The following SLC4A2 variants were observed in gnomAD, a reference collection of about 807,000 sequenced individuals.
SLC4A2 encodes the protein anion exchange protein 2.
SLC4A2 carries 36 observed loss-of-function variants against 115.0 expected under a neutral mutation model. That is an observed-to-expected ratio of 0.31 (90% CI 0.24 to 0.41). SLC4A2 has a LOEUF of 0.41. Among genes scored for constraint, SLC4A2 ranks in the 10% least tolerant of loss-of-function variants. SLC4A2 has a pLI of 1.00. For synonymous variants in SLC4A2, 708 were observed against 708.3 expected (o/e 1.00, Z 0.01); for missense variants, 1,252 against 1,705.6 (o/e 0.73, Z 4.68).
chr7:151,060,854 C>T lies in SLC4A2; in HGVS notation c.-63-1071C>T, dbSNP rs191856203. On this transcript the variant is annotated intron_variant, in intron 1 of 22. Transcript: ENST00000413384. This position sits in a 1 kb window ranked among gnomAD's most constrained non-coding sequence, Gnocchi z 5.9. ...ACCCCCCCAGACCTATATTGTTTGACGCTACACTGACTTGTCTTACTCCTA... is the reference window on the plus strand; with the variant it reads ...ACCCCCCCAGACCTATATTGTTTGATGCTACACTGACTTGTCTTACTCCTA... Among the ~76,000 whole-genome samples the T allele has an allele frequency of 7.9e-5, 12 of 152,286 alleles. No homozygotes were observed. The highest frequency in any genetic ancestry group is 4.6e-4 in the Admixed American group (7 of 15,308).
intron 2 of SLC4A2, chr7:151,063,062 G>C (rs1226637427): frequency 6.6e-7 from 1 of 1,505,978 alleles, no homozygotes; most frequent in African/African-American, 1.4e-5. Context: ...ACCGTGGGTG[G>C]GTGGGGGGCT....
intron 2 of SLC4A2, chr7:151,062,777 A>G: frequency 7.3e-7 from 1 of 1,361,366 alleles, no homozygotes; most frequent in Non-Finnish European, 9.4e-7. Flanking sequence ...CGCTTAGGGG[A>G]GCCAGGAGAT....
Position 151,064,720 on chromosome 7 carries a change from C to T in SLC4A2, c.412C>T (p.Arg138Trp), listed in dbSNP as rs373812974. 5.6e-5 allele frequency: 91 copies of T among 1,612,244 alleles called. No individual in the cohort carries two copies. The highest frequency in any genetic ancestry group is 3.4e-4 in the South Asian group (31 of 90,998). Residue 138 changes from arginine (R) to tryptophan (W), a missense_variant, in exon 4 of 23, where the codon CGG (arginine) becomes TGG (tryptophan). Around this residue, in one of 14 missense-constraint regions of SLC4A2, gnomAD observed 215 missense variants for 205.2 expected, o/e 1.05. Coordinates refer to ENST00000413384, the MANE Select transcript of SLC4A2 (RefSeq NM_003040.4). ...TGAGGCCAGCGAGGCTGAGGGGGCC[C>T]GGGCTCTCACTCAGCCGTCCCCTGT... Reference protein sequence around the residue: ...EDEASEAEGARALTQPSPVST... With the variant: ...EDEASEAEGAWALTQPSPVST...
chr7:151,074,287 T>C lies in SLC4A2; in HGVS notation c.2784T>C (p.Pro928=), dbSNP rs933917891. ...LRKFKNSRFF[P]GRIRRVIGDF... is the part of the protein sequence containing the mutation. ...AATTCAAGAACAGCCGGTTCTTTCC[T>C]GGCCGGGTGCGTGGGCTTAAAGGCC... Residue 928 remains proline, a synonymous_variant, in exon 17 of 23, where the codon CCT becomes CCC. Transcript: ENST00000413384. 1.2e-6 allele frequency: 2 copies of C among 1,609,470 alleles called. No homozygotes were observed. The highest frequency in any genetic ancestry group is 1.7e-6 in the Non-Finnish European group (2 of 1,178,982).
In SLC4A2 at chr7:151,073,521, G is replaced by A. The variant is rs550562794; in HGVS notation, c.2536-518G>A. On this transcript the variant is annotated intron_variant, in intron 16 of 22. Transcript: ENST00000413384. ...TGACCTCAAGTGATCTGCCCGCCTC[G>A]GCCTCCCAAAGTGCTAGGATTACAG... is the stretch of plus-strand genomic sequence containing the variant. Among the ~76,000 whole-genome samples the A allele has an allele frequency of 3.3e-5, 5 of 151,768 alleles. No homozygotes were observed. In the East Asian group the frequency reaches 7.8e-4, roughly 24 times the overall value.
intron 2 of SLC4A2, chr7:151,062,550 A>G (rs1335462582): frequency 2.3e-5 from 33 of 1,410,992 alleles, no homozygotes; most frequent in Non-Finnish European, 2.9e-5. Flanking sequence ...CAGCTCCGCT[A>G]TTGGTCACAC....
intron 5 of SLC4A2, among the ~76,000 whole-genome samples, chr7:151,065,586 C>T (rs931754592): frequency 3.3e-5 from 5 of 152,216 alleles, no homozygotes; most frequent in South Asian, 2.1e-4. Context: ...ACTACTATCA[C>T]GGACCTGTTG....
In SLC4A2 at chr7:151,071,314, C is replaced by G. The variant is rs1563357295; in HGVS notation, c.1975+17C>G. On this transcript the variant is annotated intron_variant, in intron 13 of 22. Coordinates refer to ENST00000413384, the MANE Select transcript of SLC4A2 (RefSeq NM_003040.4). This position sits in a 1 kb window ranked among gnomAD's most constrained non-coding sequence, Gnocchi z 5.5. ...AAGATAAGGGTACGGCCAGGGCGGG[C>G]TGGGGCCAGGGCTGCCTCGAGGGGG... The G allele has an allele frequency of 6.5e-7, 1 of 1,545,726 alleles. No individual in the cohort carries two copies. The highest frequency in any genetic ancestry group is 1.9e-5 in the Admixed American group (1 of 51,536).
rs765367393 is a variant in SLC4A2 at position 151,067,964 on chromosome 7, G to A, written c.1057G>A (p.Val353Met). 8.1e-6 allele frequency: 13 copies of A among 1,610,424 alleles called. No individual in the cohort carries two copies. In the Admixed American group the frequency reaches 1.7e-4, roughly 21 times the overall value. The change falls in exon 8 of 23, where the codon GTG becomes ATG. Residue 353 changes from valine (V) to methionine (M), a missense_variant. Val to Met is a conservative substitution (Grantham distance 21). Transcript: ENST00000413384. ...TARWIKFEED[V>M]EEETERWGKP... is the part of the protein sequence containing the mutation. ...TCGCTGGATCAAATTTGAAGAGGAC[G>A]TGGAGGAGGAGACTGAGCGCTGGGG...
rs1797154068 is a variant in SLC4A2, at chr7:151,064,340, C to T, written c.190C>T (p.Arg64Cys). 1.3e-6 allele frequency: 2 copies of T among 1,593,106 alleles called. No individual in the cohort carries two copies. The highest frequency in any genetic ancestry group is 1.4e-5 in the African/African-American group (1 of 70,942). Residue 64 changes from arginine (R) to cysteine (C), a missense_variant, in exon 3 of 23, where the codon CGC becomes TGC. Transcript: ENST00000413384. ...AGSRGGEEPGRSYGEEDFEYH... is the reference protein window; with the variant it reads ...AGSRGGEEPGCSYGEEDFEYH... ...GTCTCGTGGAGGGGAGGAGCCAGGCCGCAGCTATGGGGAGGAAGACTTTGA... is the reference window on the plus strand; with the variant it reads ...GTCTCGTGGAGGGGAGGAGCCAGGCTGCAGCTATGGGGAGGAAGACTTTGA...
rs904797809 is a variant in SLC4A2 at position 151,074,858 on chromosome 7, A to G, written c.3047+17A>G. Reference sequence around the variant, plus strand: ...GATCACCACGTGAGTGGTCCTAGCCAAAGGGGTGTGAGAGGCCAGAGCCCC... The same window carrying G: ...GATCACCACGTGAGTGGTCCTAGCCGAAGGGGTGTGAGAGGCCAGAGCCCC... On this transcript the variant is annotated intron_variant, in intron 19 of 22. Transcript: ENST00000413384. 18 of 1,583,756 alleles carry G rather than the reference A, an allele frequency of 1.1e-5. No individual in the cohort carries two copies. Among genetic ancestry groups the G allele is most frequent in the Non-Finnish European group, 1.5e-5 (18 of 1,164,852 alleles).
At position 151,066,567 on chromosome 7, in the gene SLC4A2, C is replaced by A; in HGVS notation, c.629C>A (p.Thr210Asn). 1 of 1,545,528 alleles carries A rather than the reference C, an allele frequency of 6.5e-7. No individual in the cohort carries two copies. The highest frequency in any genetic ancestry group is 8.7e-7 in the Non-Finnish European group (1 of 1,145,188). ...GAGGCGGTGGCGGTGGCCAGTGGCA[C>A]TGCAGGGGGTGACGACGGGGGTGCC... ...EAEAVAVASG[T>N]AGGDDGGASG... The change falls in exon 6 of 23, where the codon ACT becomes AAT. Residue 210 changes from threonine to asparagine, a missense_variant. Transcript: ENST00000413384.
At chr7:151,066,032 C>T (rs570735151) in intron 5 of SLC4A2, among the ~76,000 whole-genome samples, 4 of 152,306 alleles carry the variant, frequency 2.6e-5, no homozygotes, top group Non-Finnish European at 5.9e-5. Context: ...CCCGGTGCCA[C>T]GGACTTTATT....
At chr7:151,075,061 T>C (rs1321701214) in intron 19 of SLC4A2, 194 bp from the exon 20 acceptor site, 1 of 923,750 alleles carries the variant, frequency 1.1e-6, no homozygotes, top group Admixed American at 2.0e-5. Flanking sequence ...CAGTGCTAGC[T>C]GGGAGCTGTC....
rs1479945327 is a variant in SLC4A2 at position 151,060,743 on chromosome 7, G to A, written c.-64+981G>A. 6.6e-6 allele frequency among the ~76,000 whole-genome samples: 1 copy of A among 152,202 alleles called. No individual in the cohort carries two copies. Among genetic ancestry groups the A allele is most frequent in the Non-Finnish European group, 1.5e-5 (1 of 68,032 alleles). ...ACCCACACCACCCGCCCTGGCTGAA[G>A]GCCTGCTGAGGGGGAGGGGAAGAGC... On this transcript the variant is annotated intron_variant, in intron 1 of 22. Coordinates refer to ENST00000413384, the MANE Select transcript of SLC4A2 (RefSeq NM_003040.4). This position sits in a 1 kb window ranked among gnomAD's most constrained non-coding sequence, Gnocchi z 5.9.
rs1171544701 is a variant in SLC4A2 at position 151,061,920 on chromosome 7, T to A, written c.-63-5T>A. ...CGATGGTGATCAGGCCTCTCCCCCA[T>A]CCAGGTTATGCCTCCGCCTCGTTGC... is the stretch of plus-strand genomic sequence containing the variant. On this transcript the variant is annotated splice_polypyrimidine_tract_variant and splice_region_variant and intron_variant, in intron 1 of 22. Coordinates refer to ENST00000413384, the MANE Select transcript of SLC4A2 (RefSeq NM_003040.4). 7 of 1,453,546 alleles carry A rather than the reference T, an allele frequency of 4.8e-6. No homozygotes were observed. The highest frequency in any genetic ancestry group is 6.7e-6 in the Non-Finnish European group (7 of 1,051,186). 90.0% of individuals were successfully genotyped at this position (1,453,546 alleles called of 1,614,324 possible).
At chr7:151,058,307 G>T (rs1168786530), upstream of SLC4A2, 5 of 208,542 alleles carry the variant, frequency 2.4e-5, no homozygotes, top group South Asian at 3.0e-4. Flanking sequence ...TTGGGGTTTG[G>T]CGGCCTAGAT....
chr7:151,073,966 C>CCGA (rs1403516258), intron 16 of SLC4A2, 73 bp from the exon 17 acceptor site: 4 of 1,481,074 alleles, frequency 2.7e-6, no homozygotes, highest in Non-Finnish European at 3.6e-6. Flanking sequence ...CCCCTTCCAC[C>CCGA]CGACACTCAC....
In SLC4A2 at chr7:151,072,076, G is replaced by T; in HGVS notation, c.2475G>T (p.Glu825Asp). 6.2e-7 allele frequency: 1 copy of T among 1,614,160 alleles called. No individual in the cohort carries two copies. The highest frequency in any genetic ancestry group is 8.5e-7 in the Non-Finnish European group (1 of 1,180,024). The change falls in exon 16 of 23, where the codon GAG becomes GAT. Residue 825 changes from glutamate to aspartate, a missense_variant. This residue lies in a region of SLC4A2 where 118 missense variants were observed against 203.3 expected (regional missense o/e 0.58). Coordinates refer to ENST00000413384, the MANE Select transcript of SLC4A2 (RefSeq NM_003040.4). ...LVRFVSRFTQ[E>D]IFAFLISLIF... Reference sequence around the variant, plus strand: ...GCTTCGTCTCCCGCTTCACCCAGGAGATCTTCGCCTTCTTGATCTCACTCA... The same window carrying T: ...GCTTCGTCTCCCGCTTCACCCAGGATATCTTCGCCTTCTTGATCTCACTCA...
Sources: gnomAD v4.1 joint callset for allele counts (sites outside exome capture counted in the v4.1 genomes callset) on GRCh38, gnomAD v4.1.1 for gene constraint, gnomAD v4.1.1 regional missense constraint, Gnocchi (gnomAD v3.1) non-coding constraint, MANE v1.5 for transcripts, NCBI Gene and HGNC (gene_info 2026-07-23, HGNC 2026-07-21) for gene names.